The following CALB2 variants were observed in gnomAD, a reference collection of about 807,000 sequenced individuals.
CALB2 encodes the protein calbindin 2.
Under a neutral mutation model 45.9 loss-of-function variants are expected in CALB2, and 34 were observed. The ratio of observed to expected loss-of-function variants is 0.74; its 90% CI spans 0.56 to 0.99. The LOEUF (loss-of-function observed/expected upper bound fraction) is 0.99. Ranked by LOEUF, CALB2 falls within the 50% of genes least tolerant of loss-of-function variation. The probability of loss-of-function intolerance (pLI) is 0.00; values close to 1 mark genes in which losing one functional copy is unlikely to be tolerated. For synonymous variants in CALB2, 142 were observed against 129.6 expected (o/e 1.10, Z -0.65); for missense variants, 344 against 339.3 (o/e 1.01, Z -0.11).
chr16:71,377,639 G>A (rs548839248), intron 3 of CALB2, 28 bp from the exon 4 acceptor site: 53 of 1,553,050 alleles, frequency 3.4e-5, no homozygotes, highest in Non-Finnish European at 4.3e-5. Context: ...CCTCCATAAC[G>A]TTAGTGTCGC....
intron 1 of CALB2, among the ~76,000 whole-genome samples, chr16:71,369,254 AG>A (rs1035694145): frequency 1.3e-5 from 2 of 152,160 alleles, no homozygotes; most frequent in Admixed American, 6.5e-5. Context: ...CAGCTGCATG[AG>A]GAGGGTGCTA....
At chr16:71,363,475 C>G (rs538234155) in intron 1 of CALB2, among the ~76,000 whole-genome samples, 1 of 152,348 alleles carries the variant, frequency 6.6e-6, no homozygotes, top group Non-Finnish European at 1.5e-5. Flanking sequence ...TCCTCGCCCT[C>G]TGAAACCCAG....
At chr16:71,366,704 T>C (rs1289829819) in intron 1 of CALB2, among the ~76,000 whole-genome samples, 1 of 152,134 alleles carries the variant, frequency 6.6e-6, no homozygotes, top group African/African-American at 2.4e-5. Context: ...TATAAATTGA[T>C]TTAGAGGAAC....
intron 4 of CALB2, among the ~76,000 whole-genome samples, chr16:71,378,750 G>A (rs1175631819): frequency 2.0e-5 from 3 of 152,152 alleles, no homozygotes; most frequent in African/African-American, 4.8e-5. Flanking sequence ...CATATCACAG[G>A]CTCTGAGAAA....
chr16:71,359,195 T>G (rs1229495409), intron 1 of CALB2, among the ~76,000 whole-genome samples: 1 of 152,172 alleles, frequency 6.6e-6, no homozygotes, highest in Non-Finnish European at 1.5e-5. Context: ...CCCCCTGCCA[T>G]CTCCCCCACC....
intron 4 of CALB2, among the ~76,000 whole-genome samples, chr16:71,382,090 GAGAA>G (rs1372416468): frequency 1.1e-4 from 14 of 131,814 alleles, no homozygotes; most frequent in Non-Finnish European, 1.6e-4. Context: ...AAGAAAGAAA[GAGAA>G]AGGAAGGAAG....
chr16:71,384,843 G>A lies in CALB2; in HGVS notation c.627+7G>A. On this transcript the variant is annotated splice_region_variant and intron_variant, in intron 9 of 10. Transcript: ENST00000302628. Reference sequence around the variant, plus strand: ...CTTCACATTTTACGACAAGGTAAGAGAGGGAGTTGGCATGGCAGGGAAAAT... The same window carrying A: ...CTTCACATTTTACGACAAGGTAAGAAAGGGAGTTGGCATGGCAGGGAAAAT... 1 of 1,612,320 alleles carries A rather than the reference G, an allele frequency of 6.2e-7. No homozygotes were observed. Among genetic ancestry groups the A allele is most frequent in the Non-Finnish European group, 8.5e-7 (1 of 1,178,776 alleles).
chr16:71,360,994 G>T (rs1446240968), intron 1 of CALB2, among the ~76,000 whole-genome samples: 1 of 152,162 alleles, frequency 6.6e-6, no homozygotes, highest in Admixed American at 6.5e-5. Context: ...CCACCCTTGG[G>T]GTTGATGGGC....
intron 3 of CALB2, among the ~76,000 whole-genome samples, chr16:71,376,211 CG>C (rs1270937038): frequency 6.6e-6 from 1 of 152,128 alleles, no homozygotes; most frequent in Non-Finnish European, 1.5e-5. Flanking sequence ...AAAGCAGCCA[CG>C]GGTGGTATGT....
chr16:71,387,119 T>C (rs893106211), intron 10 of CALB2, among the ~76,000 whole-genome samples: 1 of 152,226 alleles, frequency 6.6e-6, no homozygotes, highest in Non-Finnish European at 1.5e-5. Context: ...CTCTGTCTTA[T>C]ACCTGAGGTG....
intron 1 of CALB2, among the ~76,000 whole-genome samples, chr16:71,368,506 A>AAAAATAAAAT (rs568443355): frequency 0.033 from 5,067 of 152,094 alleles, 296 homozygotes; most frequent in African/African-American, 0.12. Flanking sequence ...GACCCTGTCT[A>AAAAATAAAAT]AAAATAAAAT....
At chr16:71,360,512 T>A (rs561038236) in intron 1 of CALB2, among the ~76,000 whole-genome samples, 1 of 152,302 alleles carries the variant, frequency 6.6e-6, no homozygotes, top group South Asian at 2.1e-4. Flanking sequence ...CCAGATGACA[T>A]GCACATTCCC....
At chr16:71,359,025 G>T in intron 1 of CALB2, 139 bp downstream of exon 1, 1 of 708,368 alleles carries the variant, frequency 1.4e-6, no homozygotes, top group Admixed American at 2.5e-5. Context: ...CTGGGGTAGT[G>T]GTCCCGGGTT....
intron 7 of CALB2, 75 bp from the exon 8 acceptor site, chr16:71,384,264 G>A (rs903963877): frequency 8.8e-6 from 11 of 1,251,986 alleles, no homozygotes; most frequent in South Asian, 4.8e-5. Context: ...TGCAGGCACC[G>A]CCTCTGCCTT....
intron 1 of CALB2, among the ~76,000 whole-genome samples, chr16:71,364,247 C>T (rs562021221): frequency 6.6e-5 from 10 of 151,820 alleles, no homozygotes; most frequent in Non-Finnish European, 1.5e-4. Flanking sequence ...CTAAGGGACC[C>T]GTTTCACAAA....
chr16:71,383,525 C>T, intron 6 of CALB2, 81 bp downstream of exon 6: 2 of 1,266,102 alleles, frequency 1.6e-6, no homozygotes, highest in Non-Finnish European at 2.2e-6. Flanking sequence ...TGCAGGGTCC[C>T]TTGTTTGCTG....
intron 10 of CALB2, among the ~76,000 whole-genome samples, chr16:71,387,494 C>T (rs1027942161): frequency 5.3e-5 from 8 of 151,440 alleles, no homozygotes; most frequent in African/African-American, 9.7e-5. Flanking sequence ...CATAGATGCA[C>T]GCATTCCATT....
intron 3 of CALB2, 29 bp downstream of exon 3, chr16:71,374,863 G>T (rs2144974034): frequency 6.7e-7 from 1 of 1,489,698 alleles, no homozygotes; most frequent in Admixed American, 1.7e-5. Flanking sequence ...GTAAAGAGCT[G>T]TGTGGGAGGG....
chr16:71,383,246 C>A, intron 5 of CALB2, 121 bp from the exon 6 acceptor site: 1 of 902,576 alleles, frequency 1.1e-6, no homozygotes, highest in Non-Finnish European at 1.8e-6. Flanking sequence ...AGTCATAGAA[C>A]TGGTAGACCT....
Sources: allele counts gnomAD v4.1 joint callset (sites outside exome capture counted in the v4.1 genomes callset), GRCh38; gene constraint gnomAD v4.1.1; transcripts MANE v1.5; gene names NCBI Gene and HGNC (gene_info 2026-07-23, HGNC 2026-07-21).